Variants in IARS1 observed in about 807,000 individuals in gnomAD.
IARS1 encodes the protein isoleucyl-tRNA synthetase 1.
IARS1 carries 124 observed loss-of-function variants against 168.2 expected under a neutral mutation model. That is an observed-to-expected ratio of 0.74 (90% CI 0.64 to 0.86). The LOEUF is 0.86. Among genes scored for constraint, IARS1 ranks in the 40% least tolerant of loss-of-function variants. The pLI is 0.00. For synonymous variants in IARS1, 532 were observed against 529.4 expected, an observed-to-expected ratio of 1.00 and a Z score of -0.07; for missense variants, 1,452 against 1,515.8, an observed-to-expected ratio of 0.96 and a Z score of 0.70.
chr9:92,280,181 G>C (rs1834333749), intron 7 of IARS1, among the ~76,000 whole-genome samples: 2 of 152,190 alleles, frequency 1.3e-5, no homozygotes, highest in South Asian at 4.1e-4. Context: ...GGGCCATAGT[G>C]TCATCTCATT....
At chr9:92,228,944 A>C in intron 31 of IARS1, 57 bp downstream of exon 31, 1 of 1,600,762 alleles carries the variant, frequency 6.2e-7, no homozygotes, top group Non-Finnish European at 8.5e-7. Flanking sequence ...GCAAATTAAG[A>C]CCTTCACCAA....
intron 14 of IARS1, among the ~76,000 whole-genome samples, chr9:92,267,127 T>C (rs1048607010): frequency 6.6e-6 from 1 of 152,158 alleles, no homozygotes; most frequent in Non-Finnish European, 1.5e-5. Flanking sequence ...AGCCACAGGA[T>C]GCTAGGATTA....
At chr9:92,243,352 G>C in intron 27 of IARS1, 41 bp from the exon 28 acceptor site, 1 of 1,356,966 alleles carries the variant, frequency 7.4e-7, no homozygotes, top group Non-Finnish European at 1.1e-6. Flanking sequence ...ATCAAATAAG[G>C]AGAAACACTT....
intron 30 of IARS1, among the ~76,000 whole-genome samples, chr9:92,239,314 A>C (rs896542190): frequency 2.0e-5 from 3 of 152,106 alleles, no homozygotes; most frequent in Non-Finnish European, 4.4e-5. Context: ...TTTCTGATTG[A>C]TATGGAATTC....
chr9:92,289,377 C>G lies in IARS1; in HGVS notation c.43G>C (p.Glu15Gln), dbSNP rs754287620. Residue 15 changes from glutamate (E) to glutamine (Q), a missense_variant, in exon 2 of 34, where the codon GAA becomes CAA. Glu to Gln is a conservative substitution (Grantham distance 29, BLOSUM62 2). Transcript: ENST00000443024. ...GTCCAAAACTCCAAGATTTTCTCTT[C>G]TTCAGCAGGAAAATTTATGTTTTCT... ...VPENINFPAE[E>Q]EKILEFWTEF... 6.3e-7 allele frequency: 1 copy of G among 1,592,908 alleles called. No individual in the cohort carries two copies. The highest frequency in any genetic ancestry group is 8.6e-7 in the Non-Finnish European group (1 of 1,162,280).
rs886492811 is a variant in IARS1 at position 92,250,623 on chromosome 9, T to C, written c.2429+90A>G. 44 of 1,376,774 alleles carry C rather than the reference T, an allele frequency of 3.2e-5. No individual in the cohort carries two copies. The East Asian group carries it at 1.0e-3, about 32-fold the overall frequency. The allele number at this position is 1,376,774 out of a possible 1,614,324, so 85.3% of individuals were successfully genotyped here. A position where few individuals can be genotyped will look rare whatever the true frequency, so the allele number is the denominator to read the frequency against. ...GCGGGAGGCAAGGCACAGATGGAGC[T>C]GGAGCAGGGAAATCCCTCCTCTTCC... On this transcript the variant is annotated intron_variant, in intron 23 of 33. Transcript: ENST00000443024.
At chr9:92,291,318 C>A (rs1425203043) in intron 1 of IARS1, among the ~76,000 whole-genome samples, 2 of 152,090 alleles carry the variant, frequency 1.3e-5, no homozygotes, top group Non-Finnish European at 2.9e-5. Context: ...GTAATCAACT[C>A]TACAGGAAAA....
intron 20 of IARS1, chr9:92,253,842 A>G (rs1165226067): frequency 1.9e-5 from 9 of 485,672 alleles, no homozygotes; most frequent in Middle Eastern, 3.2e-4. Context: ...ATTGTATTAC[A>G]CTGTACTTCA....
rs1433565336 is a variant in IARS1, at chr9:92,278,202, T to G, written c.830A>C (p.Glu277Ala). Residue 277 changes from glutamate to alanine, a missense_variant, in exon 8 of 34, where the codon GAA (glutamate) becomes GCA (alanine). Transcript: ENST00000443024. ...YKLESDYEIL[E>A]RFPGAYLKGK... The stretch of plus-strand genomic sequence containing the variant: ...GAGCAACTATTTGAATATTCACCTT[T>G]CAAGGATCTCATAGTCACTCTCCAA... The G allele has an allele frequency of 2.5e-6, 4 of 1,581,702 alleles. No homozygotes were observed. Among genetic ancestry groups the G allele is most frequent in the Non-Finnish European group, 3.5e-6 (4 of 1,150,286 alleles).
At chr9:92,220,160 T>C (rs1336174814) in intron 33 of IARS1, among the ~76,000 whole-genome samples, 2 of 148,512 alleles carry the variant, frequency 1.3e-5, no homozygotes, top group East Asian at 4.0e-4. Flanking sequence ...CAGTAAACTA[T>C]CGCAAGAACA....
intron 1 of IARS1, among the ~76,000 whole-genome samples, chr9:92,290,336 C>T (rs751488454): frequency 1.9e-4 from 29 of 152,142 alleles, no homozygotes; most frequent in Admixed American, 3.9e-4. Context: ...TGCTTATTGG[C>T]CATTTGCGTA....
At chr9:92,217,343 C>A (rs1214791375) in intron 33 of IARS1, among the ~76,000 whole-genome samples, 1 of 142,974 alleles carries the variant, frequency 7.0e-6, no homozygotes, top group Admixed American at 6.9e-5. Flanking sequence ...AATTGACACC[C>A]TAACATCACA....
intron 30 of IARS1, 107 bp from the exon 31 acceptor site, chr9:92,229,233 C>T: frequency 1.8e-6 from 2 of 1,084,300 alleles, no homozygotes; most frequent in East Asian, 2.5e-5. Context: ...TAATATTTTT[C>T]CTTTTCCCCC....
intron 31 of IARS1, among the ~76,000 whole-genome samples, chr9:92,227,733 C>T (rs6479413): frequency 0.27 from 39,756 of 148,468 alleles, 6,534 homozygotes; most frequent in African/African-American, 0.46. Context: ...ACATCTCAGA[C>T]GATGGGCGGC....
chr9:92,262,859 G>T (rs1466017144), intron 17 of IARS1, 110 bp downstream of exon 17: 1 of 739,308 alleles, frequency 1.4e-6, no homozygotes, highest in African/African-American at 1.7e-5. Flanking sequence ...AGAAACAGTG[G>T]AGACAAAGCT....
intron 30 of IARS1, among the ~76,000 whole-genome samples, chr9:92,238,459 T>A (rs1827886325): frequency 6.6e-6 from 1 of 152,124 alleles, no homozygotes; most frequent in Non-Finnish European, 1.5e-5. Context: ...TTGCTCCCTC[T>A]CTTCATCATG....
intron 30 of IARS1, among the ~76,000 whole-genome samples, chr9:92,231,044 C>T (rs1350236017): frequency 6.6e-6 from 1 of 152,302 alleles, no homozygotes; most frequent in East Asian, 1.9e-4. Context: ...GCTTGTCTTT[C>T]ATCCTTTTAT....
rs774089823 is a variant in IARS1 at position 92,269,996 on chromosome 9, A to G, written c.1206-13T>C. The G allele has an allele frequency of 2.6e-6, 4 of 1,561,082 alleles. No homozygotes were observed. Among genetic ancestry groups the G allele is most frequent in the South Asian group, 1.1e-5 (1 of 90,028 alleles). ...AGGAGTGTCTGATCTGGGGAAGCAGAAACACACACATAGCTGCTCAGGCTG... is the reference window on the plus strand; with the variant it reads ...AGGAGTGTCTGATCTGGGGAAGCAGGAACACACACATAGCTGCTCAGGCTG... On this transcript the variant is annotated splice_polypyrimidine_tract_variant and intron_variant, in intron 12 of 33. Coordinates refer to ENST00000443024, the MANE Select transcript of IARS1 (RefSeq NM_002161.6).
At position 92,250,102 on chromosome 9, in the gene IARS1, T is replaced by C; in HGVS notation, c.2532+85A>G. On this transcript the variant is annotated intron_variant, in intron 24 of 33. Transcript: ENST00000443024. ...TGCAGAAAAGGAAAAAGGCCATTGG[T>C]GGAAGCTCTCTATATTAAAAAAGCA... 11 of 973,006 alleles carry C rather than the reference T, an allele frequency of 1.1e-5. No homozygotes were observed. The South Asian group carries it at 1.2e-4, about 11-fold the overall frequency. The allele number at this position is 973,006 out of a possible 1,614,324, so 60.3% of individuals were successfully genotyped here.
Sources: allele counts gnomAD v4.1 joint callset (sites outside exome capture counted in the v4.1 genomes callset), GRCh38; gene constraint gnomAD v4.1.1; transcripts MANE v1.5; gene names NCBI Gene and HGNC (gene_info 2026-07-23, HGNC 2026-07-21).